The following STK10 variants were observed in gnomAD, a reference collection of about 807,000 sequenced individuals.
STK10 encodes serine/threonine-protein kinase 10.
Under a neutral mutation model 113.8 loss-of-function variants are expected in STK10, and 78 were observed. The ratio of observed to expected loss-of-function variants is 0.69; its 90% CI spans 0.57 to 0.83. STK10 has a LOEUF of 0.83. STK10 is among the 40% of genes least tolerant of loss of function. STK10 has a pLI of 0.00. For synonymous variants in STK10, 465 were observed against 494.7 expected (o/e 0.94, Z 0.80); for missense variants, 1,109 against 1,280.1 (o/e 0.87, Z 2.04).
chr5:172,105,089 G>A (rs1276032276), intron 7 of STK10, among the ~76,000 whole-genome samples: 2 of 151,964 alleles, frequency 1.3e-5, no homozygotes, highest in African/African-American at 2.4e-5. Flanking sequence ...GGGAACCATC[G>A]AGCCTTGGGA....
chr5:172,166,337 C>T (rs1293181266), intron 1 of STK10, among the ~76,000 whole-genome samples: 2 of 152,224 alleles, frequency 1.3e-5, no homozygotes, highest in East Asian at 3.9e-4. Flanking sequence ...TTCTCAGTTA[C>T]ATGAGCCGAT....
rs547251159 is a variant in STK10, at chr5:172,090,935, TAAAAAA to T, written c.1555-579_1555-574del. Among the ~76,000 whole-genome samples the T allele has an allele frequency of 2.2e-4, 10 of 46,140 alleles. No homozygotes were observed. The South Asian group carries it at 6.4e-3, about 29-fold the overall frequency. The allele number at this position is 46,140 out of a possible 152,430, so 30.3% of individuals were successfully genotyped here. ...GGGCCATACAGCTAGACTCCGTCTC[TAAAAAA>T]AAAAAAAAAAAAAAAAAAAAAAAGA... On this transcript the variant is annotated intron_variant, in intron 9 of 18. Coordinates refer to ENST00000176763, the MANE Select transcript of STK10 (RefSeq NM_005990.4).
At chr5:172,105,821 T>C in intron 6 of STK10, 84 bp from the exon 7 acceptor site, 1 of 1,225,854 alleles carries the variant, frequency 8.2e-7, no homozygotes, top group Non-Finnish European at 1.2e-6. Flanking sequence ...ACTGTCCCAA[T>C]CATGCCCCTC....
At position 172,082,223 on chromosome 5, in the gene STK10, G is replaced by A. The variant is rs73801839; in HGVS notation, c.1989+103C>T. 8.6e-3 allele frequency: 11,403 copies of A among 1,327,580 alleles called. 791 individuals are homozygous for A. In the African/African-American group the frequency reaches 0.15, roughly 18 times the overall value. The allele number at this position is 1,327,580 out of a possible 1,614,324, so 82.2% of individuals were successfully genotyped here. On this transcript the variant is annotated intron_variant, in intron 12 of 18. Transcript: ENST00000176763. The surrounding 1 kb of genome is among the most constrained non-coding windows in gnomAD (Gnocchi z 4.3). ...TCACCTGCTCCCGAGCTCTTCAGCCGTACCCCTCTGCTGCCAAGGTGAGGT... is the reference window on the plus strand; with the variant it reads ...TCACCTGCTCCCGAGCTCTTCAGCCATACCCCTCTGCTGCCAAGGTGAGGT...
chr5:172,168,518 C>T (rs778170463), intron 1 of STK10, among the ~76,000 whole-genome samples: 5 of 152,160 alleles, frequency 3.3e-5, no homozygotes, highest in African/African-American at 9.7e-5. Flanking sequence ...TTATGCACCA[C>T]GGGCCTGGGC....
At chr5:172,136,646 T>C (rs1270910449) in intron 2 of STK10, among the ~76,000 whole-genome samples, 1 of 152,006 alleles carries the variant, frequency 6.6e-6, no homozygotes, top group African/African-American at 2.4e-5. Context: ...AAAGAATAGC[T>C]ATTCCATAGG....
At chr5:172,108,648 G>C (rs1271454444) in intron 4 of STK10, among the ~76,000 whole-genome samples, 2 of 151,462 alleles carry the variant, frequency 1.3e-5, no homozygotes, top group Non-Finnish European at 2.9e-5. Flanking sequence ...AGCCAGGTGT[G>C]GTGGCATGTC....
chr5:172,126,393 C>T (rs185644387), intron 3 of STK10, among the ~76,000 whole-genome samples: 1 of 152,246 alleles, frequency 6.6e-6, no homozygotes, highest in Non-Finnish European at 1.5e-5. Flanking sequence ...GGTGAAACCC[C>T]ATCACTACTA....
At chr5:172,083,742 T>C (rs1326510419) in intron 10 of STK10, among the ~76,000 whole-genome samples, 1 of 151,764 alleles carries the variant, frequency 6.6e-6, no homozygotes, top group Non-Finnish European at 1.5e-5. Context: ...ACCCCATCTC[T>C]ACTAAAAATA....
intron 2 of STK10, among the ~76,000 whole-genome samples, chr5:172,149,658 C>T (rs1770169454): frequency 1.3e-5 from 2 of 152,050 alleles, no homozygotes; most frequent in Admixed American, 1.3e-4. Context: ...CCCAAAACTG[C>T]CAAAAAGGGC....
Position 172,120,257 on chromosome 5 carries a change from G to C in STK10, c.371-2627C>G, listed in dbSNP as rs1428027460. ...CCGAGTCTTCCCTCTGCCTACAACA[G>C]CACTGCTGTGTCCGGCTTGCCTAGT... On this transcript the variant is annotated intron_variant, in intron 3 of 18. Transcript: ENST00000176763. This position sits in a 1 kb window ranked among gnomAD's most constrained non-coding sequence, Gnocchi z 4.0. 6.6e-6 allele frequency among the ~76,000 whole-genome samples: 1 copy of C among 152,166 alleles called. No homozygotes were observed. The highest frequency in any genetic ancestry group is 1.5e-5 in the Non-Finnish European group (1 of 68,020).
At chr5:172,066,980 G>C (rs1354608739) in intron 12 of STK10, among the ~76,000 whole-genome samples, 1 of 152,104 alleles carries the variant, frequency 6.6e-6, no homozygotes, top group Admixed American at 6.5e-5. Context: ...TGGTCTGCAG[G>C]GTTTCCTGTT....
chr5:172,180,583 G>A (rs1056441080), intron 1 of STK10, among the ~76,000 whole-genome samples: 23 of 152,000 alleles, frequency 1.5e-4, no homozygotes, highest in African/African-American at 5.5e-4. Context: ...TTGAGGTCAG[G>A]AGTTCAAGAC....
At position 172,093,812 on chromosome 5, in the gene STK10, TC is replaced by T; in HGVS notation, c.1153del (p.Asp385ThrfsTer40). 1.2e-6 allele frequency: 2 copies of T among 1,606,254 alleles called. No individual in the cohort carries two copies. The highest frequency in any genetic ancestry group is 1.1e-5 in the South Asian group (1 of 90,386). Reference protein sequence around the residue: ...VNEPCSQPSGDRSLQTTSPPV... With the variant: ...VNEPCSQPSGXRSLQTTSPPV... Reference sequence around the variant, plus strand: ...GGGACTGGTGGTTTGGAGGGATCTGTCCCCAGAGGGCTGGCTGCAGGGCTCA... The same window carrying T: ...GGGACTGGTGGTTTGGAGGGATCTGTCCCAGAGGGCTGGCTGCAGGGCTCA... On this transcript the variant is annotated frameshift_variant, in exon 9 of 19. Transcript: ENST00000176763. LOFTEE classifies it high-confidence loss of function. The surrounding 1 kb of genome is among the most constrained non-coding windows in gnomAD (Gnocchi z 4.1).
Position 172,055,665 on chromosome 5 carries a change from G to A in STK10, c.2449C>T (p.Arg817Cys), listed in dbSNP as rs765036246. ...AGGCTCTTCTTGTACATGGCCATGC[G>A]CGTCTTGCCCTCACTCCTCTGGATC... ...PKIQRSEGKT[R>C]MAMYKKSLHI... The change falls in exon 16 of 19, where the codon CGC (arginine) becomes TGC (cysteine). Residue 817 changes from arginine to cysteine, a missense_variant. Physicochemically the swap from Arg to Cys is radical, Grantham distance 180. Transcript: ENST00000176763. 6 of 1,581,940 alleles carry A rather than the reference G, an allele frequency of 3.8e-6. No individual in the cohort carries two copies. The highest frequency in any genetic ancestry group is 2.3e-5 in the East Asian group (1 of 42,996).
chr5:172,061,292 C>T, intron 13 of STK10, 24 bp from the exon 14 acceptor site: 1 of 1,596,328 alleles, frequency 6.3e-7, no homozygotes, highest in Non-Finnish European at 8.5e-7. Flanking sequence ...GGAGGACAGG[C>T]CTTTATCCAG....
chr5:172,101,202 G>A (rs1434352311), intron 7 of STK10, among the ~76,000 whole-genome samples: 1 of 152,188 alleles, frequency 6.6e-6, no homozygotes, highest in African/African-American at 2.4e-5. Context: ...CAGGCGTGGT[G>A]GCTCACGCCT....
Position 172,106,624 on chromosome 5 carries a change from T to C in STK10, c.784A>G (p.Lys262Glu). ...SDPPTLLTPS[K>E]WSVEFRDFLK... Reference sequence around the variant, plus strand: ...GGCCCTGCCCCTGCCCCTCACCACTTAGAGGGCGTGAGCAGCGTGGGAGGG... The same window carrying C: ...GGCCCTGCCCCTGCCCCTCACCACTCAGAGGGCGTGAGCAGCGTGGGAGGG... The change falls in exon 6 of 19, where the codon AAG becomes GAG. Residue 262 changes from lysine (K) to glutamate (E), a missense_variant. Physicochemically the swap from Lys to Glu is moderately conservative, Grantham distance 56. Coordinates refer to ENST00000176763, the MANE Select transcript of STK10 (RefSeq NM_005990.4). The C allele has an allele frequency of 6.2e-7, 1 of 1,611,652 alleles. No homozygotes were observed. Among genetic ancestry groups the C allele is most frequent in the Middle Eastern group, 2.0e-4 (1 of 4,904 alleles).
intron 10 of STK10, among the ~76,000 whole-genome samples, chr5:172,087,068 A>C (rs1768578132): frequency 6.7e-6 from 1 of 149,688 alleles, no homozygotes; most frequent in African/African-American, 2.5e-5. Flanking sequence ...CTGCCAAAGC[A>C]ACCTGTGCCC....
Sources: allele counts gnomAD v4.1 joint callset (sites outside exome capture counted in the v4.1 genomes callset), GRCh38; gene constraint gnomAD v4.1.1; non-coding constraint Gnocchi (gnomAD v3.1); transcripts MANE v1.5; gene names NCBI Gene and HGNC (gene_info 2026-07-23, HGNC 2026-07-21).